The following GALNT18 variants were observed in gnomAD, a reference collection of about 807,000 sequenced individuals.
GALNT18 encodes the protein GalNAc-transferase 18.
GALNT18 carries 44 observed loss-of-function variants against 69.5 expected under a neutral mutation model. The ratio of observed to expected loss-of-function variants is 0.63; its 90% confidence interval spans 0.50 to 0.81. The LOEUF is 0.81. GALNT18 is among the 40% of genes least tolerant of loss of function. GALNT18 has a pLI of 0.00. For missense variants in GALNT18, 715 were observed against 810.0 expected, an observed-to-expected ratio of 0.88 and a Z score of 1.42; for synonymous variants, 364 against 318.2, an observed-to-expected ratio of 1.14 and a Z score of -1.53.
chr11:11,503,459 G>A (rs1385153552), intron 1 of GALNT18, among the ~76,000 whole-genome samples: 2 of 152,152 alleles, frequency 1.3e-5, no homozygotes, highest in Non-Finnish European at 2.9e-5. Context: ...GCAATTTCCA[G>A]TTTTACCTGT....
chr11:11,286,364 A>C (rs17348760), intron 10 of GALNT18, among the ~76,000 whole-genome samples: 26,453 of 148,792 alleles, frequency 0.18, 2,572 homozygotes, highest in South Asian at 0.24. Flanking sequence ...CTACATAATG[A>C]GTGTCTGTGT....
At chr11:11,274,441 G>A (rs1253664776) in intron 10 of GALNT18, among the ~76,000 whole-genome samples, 2 of 152,202 alleles carry the variant, frequency 1.3e-5, no homozygotes, top group Non-Finnish European at 2.9e-5. Flanking sequence ...AAAATCCACT[G>A]GCTTGAAATT....
Position 11,338,049 on chromosome 11 carries a change from C to A in GALNT18, c.1278+2770G>T, listed in dbSNP as rs1850143355. ...GTGGCACGATCTCAGCTCACTGGGA[C>A]CTCCGCCTCCCAGGTTAAAATGATT... On this transcript the variant is annotated intron_variant, in intron 7 of 10. Coordinates refer to ENST00000227756, the MANE Select transcript of GALNT18 (RefSeq NM_198516.3). This position sits in a 1 kb window ranked among gnomAD's most constrained non-coding sequence, Gnocchi z 5.3. Among the ~76,000 whole-genome samples, 1 of 150,040 alleles carries A rather than the reference C, an allele frequency of 6.7e-6. No homozygotes were observed. The highest frequency in any genetic ancestry group is 1.5e-5 in the Non-Finnish European group (1 of 67,844).
chr11:11,516,156 G>C (rs1162732988), intron 1 of GALNT18, among the ~76,000 whole-genome samples: 3 of 152,236 alleles, frequency 2.0e-5, no homozygotes, highest in Admixed American at 2.0e-4. Context: ...AGTGGGCCCA[G>C]CTGGAAGGGA....
At position 11,387,021 on chromosome 11, in the gene GALNT18, T is replaced by C. The variant is rs1443828800; in HGVS notation, c.596-7757A>G. On this transcript the variant is annotated intron_variant, in intron 3 of 10. Transcript: ENST00000227756. This position sits in a 1 kb window ranked among gnomAD's most constrained non-coding sequence, Gnocchi z 4.6. ...ATTCTGACGGATGGGCCAAACTTGG[T>C]TACAACTGAAATACAAAGGTGGGCT... 6.6e-6 allele frequency among the ~76,000 whole-genome samples: 1 copy of C among 152,176 alleles called. No individual in the cohort carries two copies. The highest frequency in any genetic ancestry group is 6.5e-5 in the Admixed American group (1 of 15,280).
chr11:11,520,338 C>T (rs77055883), intron 1 of GALNT18, among the ~76,000 whole-genome samples: 7,427 of 152,278 alleles, frequency 0.049, 271 homozygotes, highest in East Asian at 0.16. Context: ...AAGATTCAAG[C>T]GCAAGCAGCG....
intron 1 of GALNT18, among the ~76,000 whole-genome samples, chr11:11,599,792 A>T (rs900878149): frequency 1.3e-5 from 2 of 151,960 alleles, no homozygotes; most frequent in Non-Finnish European, 2.9e-5. Context: ...ACCAATAAAA[A>T]TTATATATAT....
chr11:11,284,166 T>C (rs1849143647), intron 10 of GALNT18, among the ~76,000 whole-genome samples: 1 of 152,200 alleles, frequency 6.6e-6, no homozygotes, highest in African/African-American at 2.4e-5. Flanking sequence ...CTGGGGCGTG[T>C]GGAAGCCACA....
rs1456277556 is a variant in GALNT18 at position 11,516,832 on chromosome 11, A to C, written c.236-67896T>G. Among the ~76,000 whole-genome samples the C allele has an allele frequency of 2.0e-5, 3 of 152,156 alleles. No homozygotes were observed. In the East Asian group the frequency reaches 5.8e-4, roughly 29 times the overall value. The stretch of plus-strand genomic sequence containing the variant: ...AGGACATATGGATGTGCTAAAGCTA[A>C]GGGGTAAATCATGGCCACGGCTGAC... On this transcript the variant is annotated intron_variant, in intron 1 of 10. Coordinates refer to ENST00000227756, the MANE Select transcript of GALNT18 (RefSeq NM_198516.3).
At chr11:11,321,258 G>C (rs1245945805) in intron 9 of GALNT18, among the ~76,000 whole-genome samples, 2 of 152,204 alleles carry the variant, frequency 1.3e-5, no homozygotes. Flanking sequence ...CATCAATGGT[G>C]AGAGTGGTCA....
At chr11:11,295,494 T>C (rs1849383877) in intron 9 of GALNT18, among the ~76,000 whole-genome samples, 1 of 152,168 alleles carries the variant, frequency 6.6e-6, no homozygotes, top group Non-Finnish European at 1.5e-5. Context: ...TTTGGGGTCA[T>C]GGCAAGTGAT....
chr11:11,483,829 G>A (rs182821011), intron 1 of GALNT18, among the ~76,000 whole-genome samples: 2 of 152,282 alleles, frequency 1.3e-5, no homozygotes, highest in South Asian at 2.1e-4. Context: ...AATAAATAAT[G>A]AGCTCAATAT....
intron 7 of GALNT18, among the ~76,000 whole-genome samples, chr11:11,333,814 G>A (rs1423286862): frequency 6.6e-6 from 1 of 152,070 alleles, no homozygotes; most frequent in Non-Finnish European, 1.5e-5. Flanking sequence ...GAGCAGAGTT[G>A]GGCAGCACTA....
At chr11:11,420,491 T>G (rs1412811566) in intron 3 of GALNT18, among the ~76,000 whole-genome samples, 1 of 152,176 alleles carries the variant, frequency 6.6e-6, no homozygotes, top group Non-Finnish European at 1.5e-5. Flanking sequence ...GGGGCAGCCT[T>G]TCAGGAAATC....
In GALNT18 at chr11:11,578,433, T is replaced by C. The variant is rs1858984001; in HGVS notation, c.235+42926A>G. On this transcript the variant is annotated intron_variant, in intron 1 of 10. Transcript: ENST00000227756. ...TTCAAGTAAGAGAACACTGGCCCAATGTTCAGCTTTCCTGCAGGTAAAAAG... is the reference window on the plus strand; with the variant it reads ...TTCAAGTAAGAGAACACTGGCCCAACGTTCAGCTTTCCTGCAGGTAAAAAG... 2.0e-5 allele frequency among the ~76,000 whole-genome samples: 3 copies of C among 151,088 alleles called. No individual in the cohort carries two copies. The South Asian group carries it at 6.3e-4, about 32-fold the overall frequency.
intron 1 of GALNT18, among the ~76,000 whole-genome samples, chr11:11,501,514 T>TTTTAAAATA (rs1856971628): frequency 6.6e-6 from 1 of 152,214 alleles, no homozygotes; most frequent in Non-Finnish European, 1.5e-5. Context: ...AAAATCCTAC[T>TTTTAAAATA]CTTTCGTGAG....
rs189089630 is a variant in GALNT18, at chr11:11,482,133, C to T, written c.236-33197G>A. 7.0e-4 allele frequency among the ~76,000 whole-genome samples: 107 copies of T among 152,338 alleles called. 2 individuals carry two copies. In the East Asian group the frequency reaches 0.014, roughly 19 times the overall value. ...ATAGCAGGAGCTTAACATGCAGCTCCTGGACTGCATGGAGCTAGTTCCACT... is the reference window on the plus strand; with the variant it reads ...ATAGCAGGAGCTTAACATGCAGCTCTTGGACTGCATGGAGCTAGTTCCACT... On this transcript the variant is annotated intron_variant, in intron 1 of 10. Coordinates refer to ENST00000227756, the MANE Select transcript of GALNT18 (RefSeq NM_198516.3).
At chr11:11,292,407 G>C (rs928049985) in intron 10 of GALNT18, among the ~76,000 whole-genome samples, 4 of 152,112 alleles carry the variant, frequency 2.6e-5, no homozygotes, top group Non-Finnish European at 5.9e-5. Flanking sequence ...GTCAAATATG[G>C]GCCCCTGAAT....
intron 7 of GALNT18, among the ~76,000 whole-genome samples, chr11:11,334,874 G>C (rs921931878): frequency 2.0e-5 from 3 of 152,178 alleles, no homozygotes; most frequent in Admixed American, 6.5e-5. Flanking sequence ...GCTGGGTGAA[G>C]AAAATATTTA....
Sources: allele counts gnomAD v4.1 joint callset (sites outside exome capture counted in the v4.1 genomes callset), GRCh38; gene constraint gnomAD v4.1.1; non-coding constraint Gnocchi (gnomAD v3.1); transcripts MANE v1.5; gene names NCBI Gene and HGNC (gene_info 2026-07-23, HGNC 2026-07-21).